SLC12A2: variants seen among roughly 807,000 people sequenced by gnomAD.
SLC12A2 encodes Na-K-2Cl cotransporter 1.
Under a neutral mutation model 136.3 loss-of-function variants are expected in SLC12A2, and 67 were observed. The observed-to-expected ratio is 0.49, with a 90% CI of 0.40 to 0.60. SLC12A2 has a LOEUF of 0.60. SLC12A2 is among the 20% of genes least tolerant of loss of function. The pLI is 0.00. For missense variants in SLC12A2, 1,322 were observed against 1,534.7 expected, an observed-to-expected ratio of 0.86 and a Z score of 2.32; for synonymous variants, 619 against 562.9, an observed-to-expected ratio of 1.10 and a Z score of -1.41.
intron 1 of SLC12A2, among the ~76,000 whole-genome samples, chr5:128,094,256 C>A (rs1370357869): frequency 2.0e-5 from 3 of 150,684 alleles, no homozygotes; most frequent in African/African-American, 7.3e-5. Context: ...AGTAGACCCT[C>A]AATCGATACA....
intron 16 of SLC12A2, among the ~76,000 whole-genome samples, chr5:128,160,630 G>A (rs1057265189): frequency 1.3e-5 from 2 of 152,108 alleles, no homozygotes; most frequent in African/African-American, 4.8e-5. Context: ...TCCGAAAGTA[G>A]TTTTTAGTTT....
chr5:128,186,604 T>C lies in SLC12A2; in HGVS notation c.3612T>C (p.His1204=), dbSNP rs1434089322. The C allele has an allele frequency of 4.3e-6, 7 of 1,613,874 alleles. No individual in the cohort carries two copies. Among genetic ancestry groups the C allele is most frequent in the Admixed American group, 1.7e-5 (1 of 59,990 alleles). The change falls in exon 27 of 27, where the codon CAT becomes CAC. Residue 1204 remains histidine (H), a synonymous_variant. Coordinates refer to ENST00000262461, the MANE Select transcript of SLC12A2 (RefSeq NM_001046.3). Reference sequence around the variant, plus strand: ...CAATCCTCCTAGTTCGTGGGAATCATCAGAGTGTCCTTACCTTCTATTCAT... The same window carrying C: ...CAATCCTCCTAGTTCGTGGGAATCACCAGAGTGTCCTTACCTTCTATTCAT... ...LPPILLVRGN[H]QSVLTFYS
rs1763939418 is a variant in SLC12A2, at chr5:128,188,562, G to A, written c.*1931G>A. On this transcript the variant is annotated 3_prime_UTR_variant, in exon 27 of 27. Transcript: ENST00000262461. ...CCCGCCTCAGCCTCCCAGAGTGCTGGGATTACAGGTGCGAGCCACTGCGCC... is the reference window on the plus strand; with the variant it reads ...CCCGCCTCAGCCTCCCAGAGTGCTGAGATTACAGGTGCGAGCCACTGCGCC... 3 of 151,684 alleles carry A rather than the reference G, an allele frequency of 2.0e-5. No homozygotes were observed. Among genetic ancestry groups the A allele is most frequent in the African/African-American group, 7.3e-5 (3 of 41,244 alleles). The allele number at this position is 151,684 out of a possible 1,614,324, so 9.4% of individuals were successfully genotyped here.
chr5:128,151,967 A>C (rs1404708496), intron 14 of SLC12A2, among the ~76,000 whole-genome samples: 1 of 152,136 alleles, frequency 6.6e-6, no homozygotes, highest in Admixed American at 6.6e-5. Context: ...ACGTATCTCC[A>C]GGTAAGATGA....
chr5:128,118,618 G>A (rs751735625), intron 4 of SLC12A2, among the ~76,000 whole-genome samples: 7 of 152,108 alleles, frequency 4.6e-5, no homozygotes, highest in Non-Finnish European at 1.0e-4. Context: ...ACCACACATT[G>A]GGTATAGTGT....
intron 1 of SLC12A2, chr5:128,110,898 G>A (rs1761118750): frequency 9.1e-7 from 1 of 1,099,332 alleles, no homozygotes. Context: ...AAGTGAGTGG[G>A]CCGCAAATCT....
intron 7 of SLC12A2, among the ~76,000 whole-genome samples, chr5:128,137,150 A>T (rs1197947771): frequency 1.3e-5 from 2 of 152,122 alleles, no homozygotes; most frequent in African/African-American, 4.8e-5. Context: ...CGTGTTTATG[A>T]CCCTACTTTG....
intron 4 of SLC12A2, among the ~76,000 whole-genome samples, chr5:128,117,258 A>C (rs1761384063): frequency 6.6e-6 from 1 of 152,206 alleles, no homozygotes; most frequent in Non-Finnish European, 1.5e-5. Flanking sequence ...AGTCAACCTA[A>C]AGGAGCTAAC....
chr5:128,178,498 A>T, intron 21 of SLC12A2, 69 bp from the exon 22 acceptor site: 10 of 1,163,904 alleles, frequency 8.6e-6, no homozygotes, highest in Non-Finnish European at 1.2e-5. Flanking sequence ...TTAGGAAATG[A>T]TAGGAATTCA....
Position 128,188,706 on chromosome 5 carries a change from T to C in SLC12A2, c.*2075T>C, listed in dbSNP as rs1763944592. The C allele has an allele frequency of 7.1e-6, 1 of 140,644 alleles. No individual in the cohort carries two copies. The highest frequency in any genetic ancestry group is 1.5e-5 in the Non-Finnish European group (1 of 65,382). The allele number at this position is 140,644 out of a possible 1,614,324, so 8.7% of individuals were successfully genotyped here. A position where few individuals can be genotyped will look rare whatever the true frequency, so the allele number is the denominator to read the frequency against. On this transcript the variant is annotated 3_prime_UTR_variant, in exon 27 of 27. Transcript: ENST00000262461. ...GAGATCTGATAACTTGAATTCAGAA[T>C]ATTAAGAAAATGAAGTAACTGATTT...
In SLC12A2 at chr5:128,158,093, C is replaced by G. The variant is rs778376847; in HGVS notation, c.2404C>G (p.Pro802Ala). 1.2e-6 allele frequency: 2 copies of G among 1,613,702 alleles called. No homozygotes were observed. The highest frequency in any genetic ancestry group is 1.1e-5 in the South Asian group (1 of 91,040). The change falls in exon 16 of 27, where the codon CCA becomes GCA. Residue 802 changes from proline to alanine, a missense_variant. Coordinates refer to ENST00000262461, the MANE Select transcript of SLC12A2 (RefSeq NM_001046.3). ...TATGACAGGTGCTCCAAACTCACGT[C>G]CAGCTTTACTTCATCTTGTTCATGA... ...LVMTGAPNSR[P>A]ALLHLVHDFT...
Position 128,150,016 on chromosome 5 carries a change from A to G in SLC12A2, c.2025A>G (p.Ala675=), listed in dbSNP as rs756654695. Residue 675 remains alanine, a synonymous_variant, in exon 13 of 27, where the codon GCA becomes GCG. Transcript: ENST00000262461. Reference sequence around the variant, plus strand: ...CTGCAGCTGAACTGAATGTTATTGCACCAATTATCTCAAACTTCTTCCTTG... The same window carrying G: ...CTGCAGCTGAACTGAATGTTATTGCGCCAATTATCTCAAACTTCTTCCTTG... ...FILIAELNVI[A]PIISNFFLAS... 5 of 1,610,136 alleles carry G rather than the reference A, an allele frequency of 3.1e-6. No homozygotes were observed. The highest frequency in any genetic ancestry group is 4.2e-6 in the Non-Finnish European group (5 of 1,177,858).
At chr5:128,105,073 T>C (rs966157939) in intron 1 of SLC12A2, among the ~76,000 whole-genome samples, 2 of 152,226 alleles carry the variant, frequency 1.3e-5, no homozygotes, top group African/African-American at 4.8e-5. Context: ...AATTTAAAAC[T>C]AGATCCAAAA....
At chr5:128,139,898 C>T (rs1351269926) in intron 9 of SLC12A2, among the ~76,000 whole-genome samples, 1 of 152,194 alleles carries the variant, frequency 6.6e-6, no homozygotes, top group East Asian at 1.9e-4. Flanking sequence ...TTTATAAACT[C>T]TACTATTTGC....
intron 10 of SLC12A2, 74 bp downstream of exon 10, chr5:128,142,055 T>G: frequency 8.0e-7 from 1 of 1,255,688 alleles, no homozygotes; most frequent in East Asian, 2.4e-5. Flanking sequence ...ATATGACCAT[T>G]CAGAATATAG....
chr5:128,158,011 A>G (rs772928220), intron 15 of SLC12A2, 42 bp from the exon 16 acceptor site: 1 of 1,545,434 alleles, frequency 6.5e-7, no homozygotes, highest in Non-Finnish European at 8.9e-7. Flanking sequence ...TGCCAGAAAC[A>G]CAAATTTATC....
In SLC12A2 at chr5:128,180,982, A is replaced by G. The variant is rs750671766; in HGVS notation, c.3200A>G (p.His1067Arg). The G allele has an allele frequency of 1.3e-6, 2 of 1,588,244 alleles. No individual in the cohort carries two copies. Among genetic ancestry groups the G allele is most frequent in the East Asian group, 4.5e-5 (2 of 44,690 alleles). The change falls in exon 23 of 27, where the codon CAT (histidine) becomes CGT (arginine). Residue 1067 changes from histidine to arginine, a missense_variant. By Grantham distance (29) the His-to-Arg change is conservative. Around this residue, in one of 8 missense-constraint regions of SLC12A2, gnomAD observed 172 missense variants for 227.4 expected, o/e 0.76. Coordinates refer to ENST00000262461, the MANE Select transcript of SLC12A2 (RefSeq NM_001046.3). ...FIGGKINRID[H>R]DRRAMATLLS... ...GGTGGAAAGATAAACAGAATAGACC[A>G]TGACCGGAGAGCGTAAGTTTATTTC...
At chr5:128,152,404 A>G (rs749325443) in intron 14 of SLC12A2, among the ~76,000 whole-genome samples, 1 of 152,234 alleles carries the variant, frequency 6.6e-6, no homozygotes, top group African/African-American at 2.4e-5. Flanking sequence ...CTTTGGCTAT[A>G]TACAAACAAT....
At chr5:128,123,590 T>A (rs1469771088) in intron 4 of SLC12A2, among the ~76,000 whole-genome samples, 1 of 152,210 alleles carries the variant, frequency 6.6e-6, no homozygotes, top group Non-Finnish European at 1.5e-5. Context: ...AGATGTTGGG[T>A]ATCTTCTCAT....
Sources: allele counts gnomAD v4.1 joint callset (sites outside exome capture counted in the v4.1 genomes callset), GRCh38; gene constraint gnomAD v4.1.1; regional missense constraint gnomAD v4.1.1; transcripts MANE v1.5; gene names NCBI Gene and HGNC (gene_info 2026-07-23, HGNC 2026-07-21).